NRG1: variants seen among roughly 807,000 people sequenced by gnomAD.
NRG1 encodes the protein neuregulin 1.
Under a neutral mutation model 63.8 loss-of-function variants are expected in NRG1, and 18 were observed. That is an observed-to-expected ratio of 0.28 (90% CI 0.19 to 0.42). The LOEUF is 0.42. NRG1 is among the 10% of genes least tolerant of loss of function. The pLI, the probability that NRG1 is intolerant of heterozygous loss-of-function variation, is 1.00. For missense variants in NRG1, 762 were observed against 814.7 expected (o/e 0.94, Z 0.79); for synonymous variants, 302 against 301.3 (o/e 1.00, Z -0.02).
intron 1 of NRG1, among the ~76,000 whole-genome samples, chr8:32,324,100 A>C (rs1801728813): frequency 6.6e-6 from 1 of 152,096 alleles, no homozygotes; most frequent in Non-Finnish European, 1.5e-5. Context: ...CTCAAAAAAA[A>C]AAAAATTCCA....
intron 1 of NRG1, among the ~76,000 whole-genome samples, chr8:31,881,069 A>C (rs1195807337): frequency 6.6e-6 from 1 of 152,170 alleles, no homozygotes; most frequent in Admixed American, 6.5e-5. Flanking sequence ...TCATTTATTC[A>C]ACATTTTTAA....
chr8:32,727,108 T>A (rs963415940), intron 5 of NRG1, among the ~76,000 whole-genome samples: 5 of 152,188 alleles, frequency 3.3e-5, no homozygotes, highest in Non-Finnish European at 5.9e-5. Context: ...CCTGGTGGCC[T>A]GGGGCTGAGA....
At chr8:31,797,519 A>G (rs1391695093) in intron 1 of NRG1, among the ~76,000 whole-genome samples, 1 of 152,216 alleles carries the variant, frequency 6.6e-6, no homozygotes, top group African/African-American at 2.4e-5. Context: ...ATGGGAATGT[A>G]AATTAGTGCA....
chr8:32,537,708 G>A (rs1832158445), intron 1 of NRG1, among the ~76,000 whole-genome samples: 2 of 152,248 alleles, frequency 1.3e-5, no homozygotes, highest in Non-Finnish European at 1.5e-5. Context: ...TCACAATGGT[G>A]ACTGATACAG....
intron 1 of NRG1, among the ~76,000 whole-genome samples, chr8:31,954,341 C>A (rs898241934): frequency 1.3e-5 from 2 of 152,096 alleles, no homozygotes; most frequent in African/African-American, 4.8e-5. Context: ...GATAATAAAG[C>A]TTTTACTGGA....
At chr8:32,464,458 A>G (rs1219963891) in intron 1 of NRG1, among the ~76,000 whole-genome samples, 1 of 152,126 alleles carries the variant, frequency 6.6e-6, no homozygotes, top group Non-Finnish European at 1.5e-5. Context: ...TACTGATGAC[A>G]CAGAACAAAA....
intron 1 of NRG1, among the ~76,000 whole-genome samples, chr8:32,027,290 T>C (rs1352326308): frequency 6.6e-6 from 1 of 152,164 alleles, no homozygotes; most frequent in African/African-American, 2.4e-5. Context: ...TCATGGAATA[T>C]TTAGGACATG....
intron 1 of NRG1, among the ~76,000 whole-genome samples, chr8:31,803,614 T>G (rs1380728998): frequency 2.6e-5 from 4 of 152,250 alleles, no homozygotes; most frequent in Non-Finnish European, 1.5e-5. Context: ...CTGATCTGTT[T>G]GCTTCTGTAA....
chr8:32,601,945 A>G (rs1253805713), intron 2 of NRG1, among the ~76,000 whole-genome samples: 1 of 152,172 alleles, frequency 6.6e-6, no homozygotes, highest in Non-Finnish European at 1.5e-5. Context: ...GTGGCTAATT[A>G]GAAATCCTTA....
At chr8:32,408,302 C>G (rs1179041519) in intron 1 of NRG1, among the ~76,000 whole-genome samples, 1 of 152,162 alleles carries the variant, frequency 6.6e-6, no homozygotes, top group Admixed American at 6.5e-5. Flanking sequence ...GCCCTCTTTG[C>G]CCTGTTCCCT....
At chr8:31,742,369 T>C (rs935480079) in intron 1 of NRG1, among the ~76,000 whole-genome samples, 1 of 151,002 alleles carries the variant, frequency 6.6e-6, no homozygotes, top group Non-Finnish European at 1.5e-5. Context: ...ATATACATTT[T>C]AATATTTTAT....
chr8:31,723,484 T>A (rs1226722252), intron 1 of NRG1, among the ~76,000 whole-genome samples: 3 of 152,136 alleles, frequency 2.0e-5, no homozygotes, highest in Non-Finnish European at 4.4e-5. Flanking sequence ...AGTCTTATTA[T>A]GTTGTCCAGG....
intron 1 of NRG1, among the ~76,000 whole-genome samples, chr8:32,460,788 T>C (rs994544845): frequency 6.6e-6 from 1 of 152,102 alleles, no homozygotes; most frequent in African/African-American, 2.4e-5. Flanking sequence ...ACAAAATACA[T>C]CCTATTTTAC....
chr8:32,336,139 G>A (rs1450687053), intron 1 of NRG1, among the ~76,000 whole-genome samples: 2 of 152,240 alleles, frequency 1.3e-5, no homozygotes, highest in African/African-American at 2.4e-5. Flanking sequence ...CTATGAATGG[G>A]ATAGCCCACA....
In NRG1 at chr8:32,458,130, A is replaced by G. The variant is rs191365328; in HGVS notation, c.38-137698A>G. Among the ~76,000 whole-genome samples the G allele has an allele frequency of 2.0e-4, 31 of 151,988 alleles. No homozygotes were observed. The East Asian group carries it at 5.9e-3, about 29-fold the overall frequency. ...ACGGGGTTTCACTATGTTGGCCAGG[A>G]TGGTCTCGATCTCTTGACTTCGTGA... On this transcript the variant is annotated intron_variant, in intron 1 of 10. Coordinates refer to the NRG1 transcript ENST00000519301.
downstream of NRG1, among the ~76,000 whole-genome samples, chr8:32,771,737 T>C (rs1831821200): frequency 7.0e-6 from 1 of 142,358 alleles, no homozygotes; most frequent in Non-Finnish European, 1.5e-5. Context: ...TATATATATA[T>C]ATAGGCCTGG....
intron 1 of NRG1, among the ~76,000 whole-genome samples, chr8:32,380,179 C>T (rs1260299782): frequency 6.6e-6 from 1 of 152,014 alleles, no homozygotes; most frequent in Non-Finnish European, 1.5e-5. Context: ...ACAAAGTTGG[C>T]CATTCTCTCC....
intron 5 of NRG1, among the ~76,000 whole-genome samples, chr8:32,673,974 G>T (rs1806388119): frequency 6.6e-6 from 1 of 152,100 alleles, no homozygotes; most frequent in South Asian, 2.1e-4. Flanking sequence ...GACGAAAATT[G>T]AATAAAGTAA....
intron 1 of NRG1, among the ~76,000 whole-genome samples, chr8:31,838,231 C>A (rs1825866336): frequency 6.6e-6 from 1 of 152,046 alleles, no homozygotes; most frequent in African/African-American, 2.4e-5. Context: ...TATTTGAGAT[C>A]CCACCTTTAT....
Sources: allele counts gnomAD v4.1 joint callset (sites outside exome capture counted in the v4.1 genomes callset), GRCh38; gene constraint gnomAD v4.1.1; transcripts MANE v1.5; gene names NCBI Gene and HGNC (gene_info 2026-07-23, HGNC 2026-07-21).